The following TMEM150C variants were observed in gnomAD, a reference collection of about 807,000 sequenced individuals.
The protein encoded by TMEM150C is tentonin 3.
In TMEM150C, 10 loss-of-function variants were observed where a neutral mutation model predicts 29.9. The ratio of observed to expected loss-of-function variants is 0.33; its 90% CI spans 0.21 to 0.57. The LOEUF (loss-of-function observed/expected upper bound fraction) is 0.57, where lower values mean the gene tolerates loss of function less well. Ranked by LOEUF, TMEM150C falls within the 20% of genes least tolerant of loss-of-function variation. The pLI is 0.88. For synonymous variants in TMEM150C, 101 were observed against 112.5 expected (o/e 0.90, Z 0.64); for missense variants, 251 against 303.6 (o/e 0.83, Z 1.29).
chr4:82,537,477 T>A (rs530084238), intron 1 of TMEM150C, among the ~76,000 whole-genome samples: 71 of 152,286 alleles, frequency 4.7e-4, no homozygotes, highest in African/African-American at 1.4e-3. Context: ...GGGTGATAGG[T>A]ATCAGGAGGC....
intron 1 of TMEM150C, among the ~76,000 whole-genome samples, chr4:82,515,263 CAT>C (rs1724254609): frequency 6.6e-6 from 1 of 152,236 alleles, no homozygotes. Flanking sequence ...CCACCTTTGA[CAT>C]ATACAATTTT....
chr4:82,524,322 T>C (rs1334813703), intron 1 of TMEM150C, among the ~76,000 whole-genome samples: 1 of 152,186 alleles, frequency 6.6e-6, no homozygotes, highest in African/African-American at 2.4e-5. Context: ...ATTTTATTTT[T>C]TGATTTTTGT....
chr4:82,562,049 C>G, upstream of TMEM150C: 1 of 1,153,152 alleles, frequency 8.7e-7, no homozygotes, highest in Non-Finnish European at 1.1e-6. Flanking sequence ...CCCCTCCTGC[C>G]GCGCCGGGGC....
chr4:82,508,208 TA>T (rs1341912527), intron 1 of TMEM150C, among the ~76,000 whole-genome samples: 3 of 152,310 alleles, frequency 2.0e-5, no homozygotes, highest in Non-Finnish European at 2.9e-5. Flanking sequence ...TTCCCTGAGC[TA>T]AATCACAAGT....
chr4:82,517,968 G>C (rs1412937517), intron 1 of TMEM150C, among the ~76,000 whole-genome samples: 4 of 152,174 alleles, frequency 2.6e-5, no homozygotes, highest in African/African-American at 7.2e-5. Context: ...TCACTGCTAA[G>C]AGGACTGACA....
At chr4:82,532,106 G>C (rs1724866506) in intron 1 of TMEM150C, among the ~76,000 whole-genome samples, 1 of 152,214 alleles carries the variant, frequency 6.6e-6, no homozygotes, top group Non-Finnish European at 1.5e-5. Flanking sequence ...GAGAGCTACA[G>C]TAAAACAGCA....
intron 1 of TMEM150C, among the ~76,000 whole-genome samples, chr4:82,545,477 C>T (rs1725346617): frequency 6.6e-6 from 1 of 152,166 alleles, no homozygotes; most frequent in African/African-American, 2.4e-5. Context: ...CCCTTGAGAA[C>T]TGGAGCAAGA....
At chr4:82,559,938 G>C (rs1725866659) in intron 1 of TMEM150C, among the ~76,000 whole-genome samples, 1 of 152,162 alleles carries the variant, frequency 6.6e-6, no homozygotes, top group Non-Finnish European at 1.5e-5. Flanking sequence ...CTGTACTAAA[G>C]AGGTGTGGGT....
At chr4:82,521,516 G>A (rs1724484068) in intron 1 of TMEM150C, among the ~76,000 whole-genome samples, 1 of 152,298 alleles carries the variant, frequency 6.6e-6, no homozygotes. Context: ...CATAGAAGAT[G>A]AATTCTTACA....
chr4:82,502,828 A>G lies in TMEM150C; in HGVS notation c.168-34T>C, dbSNP rs377077360. On this transcript the variant is annotated intron_variant, in intron 4 of 7. Coordinates refer to ENST00000449862, the MANE Select transcript of TMEM150C (RefSeq NM_001080506.3). ...AGATGAAATGTTTTATAGTTACTAT[A>G]TCAAAATCTATAATCCTCCTAACTT... The G allele has an allele frequency of 3.3e-5, 52 of 1,587,652 alleles. No individual in the cohort carries two copies. In the African/African-American group the frequency reaches 6.5e-4, roughly 20 times the overall value.
At chr4:82,528,363 C>A (rs1724722938) in intron 1 of TMEM150C, among the ~76,000 whole-genome samples, 1 of 152,198 alleles carries the variant, frequency 6.6e-6, no homozygotes, top group Non-Finnish European at 1.5e-5. Context: ...CAGGTGAAAC[C>A]TGAGAATTTG....
At chr4:82,528,200 G>A (rs980701763) in intron 1 of TMEM150C, among the ~76,000 whole-genome samples, 1 of 152,244 alleles carries the variant, frequency 6.6e-6, no homozygotes, top group African/African-American at 2.4e-5. Flanking sequence ...GGAAGGCTCT[G>A]CAGGTGAAGC....
intron 1 of TMEM150C, among the ~76,000 whole-genome samples, chr4:82,558,804 G>A (rs962335573): frequency 4.6e-5 from 7 of 152,214 alleles, no homozygotes; most frequent in Non-Finnish European, 1.0e-4. Context: ...GGGGCTGTCA[G>A]GCTTCTGAGC....
chr4:82,500,419 G>A (rs1047976813), intron 5 of TMEM150C, among the ~76,000 whole-genome samples: 3 of 152,170 alleles, frequency 2.0e-5, no homozygotes, highest in Admixed American at 6.5e-5. Flanking sequence ...CACTCTCAGA[G>A]TTGATAAATA....
chr4:82,554,799 C>A (rs1033699811), intron 1 of TMEM150C, among the ~76,000 whole-genome samples: 12 of 152,184 alleles, frequency 7.9e-5, no homozygotes, highest in African/African-American at 2.7e-4. Flanking sequence ...TTTGTCTACA[C>A]CTGTCTAAAA....
intron 1 of TMEM150C, among the ~76,000 whole-genome samples, chr4:82,511,530 A>G (rs975984755): frequency 1.5e-5 from 2 of 130,870 alleles, no homozygotes; most frequent in Admixed American, 1.8e-4. Flanking sequence ...GCTGGAGTGC[A>G]GTGGCATGAT....
At chr4:82,495,620 T>C in intron 6 of TMEM150C, 1 of 348,328 alleles carries the variant, frequency 2.9e-6, no homozygotes. Flanking sequence ...TTCTCCAGCT[T>C]TCCTTGGTCT....
At chr4:82,561,743 G>T (rs1391015678) in intron 1 of TMEM150C, among the ~76,000 whole-genome samples, 163 bp downstream of exon 1, 1 of 147,230 alleles carries the variant, frequency 6.8e-6, no homozygotes, top group East Asian at 1.9e-4. Flanking sequence ...ATGGGAGGGG[G>T]CCGCAGCCGA....
At chr4:82,547,645 A>G (rs1439943950) in intron 1 of TMEM150C, among the ~76,000 whole-genome samples, 1 of 152,230 alleles carries the variant, frequency 6.6e-6, no homozygotes, top group Non-Finnish European at 1.5e-5. Context: ...AATCAAAACC[A>G]CAATGTGATA....
Sources: allele counts gnomAD v4.1 joint callset (sites outside exome capture counted in the v4.1 genomes callset), GRCh38; gene constraint gnomAD v4.1.1; transcripts MANE v1.5; gene names NCBI Gene and HGNC (gene_info 2026-07-23, HGNC 2026-07-21).